KCNMA1: variants seen among roughly 807,000 people sequenced by gnomAD.
The protein encoded by KCNMA1 is Calcium-activated potassium channel subunit alpha-1.
A neutral mutation model predicts 140.0 loss-of-function variants in KCNMA1; 29 were observed. The observed-to-expected ratio is 0.21, with a 90% confidence interval of 0.15 to 0.28. The LOEUF (loss-of-function observed/expected upper bound fraction) is 0.28. KCNMA1 is among the 10% of genes least tolerant of loss of function. The pLI is 1.00. For missense variants in KCNMA1, 880 were observed against 1,602.2 expected (o/e 0.55, Z 7.70); for synonymous variants, 612 against 611.9 (o/e 1.00, Z 0.00).
intron 3 of KCNMA1, chr10:77,217,604 A>C (rs143642187): frequency 4.5e-6 from 2 of 444,408 alleles, no homozygotes; most frequent in Non-Finnish European, 9.2e-6. Flanking sequence ...CACAGACAGA[A>C]CAAAGTGGAA....
rs547292705 is a variant in KCNMA1, at chr10:77,052,141, G to T, written c.1750-12504C>A. On this transcript the variant is annotated intron_variant, in intron 14 of 27. Transcript: ENST00000286628. ...CATGGCTTCCTATTGCTTAGCTGCT[G>T]CTAGAAAAGGCTGGAACATCAGTGA... Among the ~76,000 whole-genome samples the T allele has an allele frequency of 4.1e-4, 62 of 152,298 alleles. No individual in the cohort carries two copies. The South Asian group carries it at 0.012, about 31-fold the overall frequency.
intron 3 of KCNMA1, among the ~76,000 whole-genome samples, chr10:77,201,291 C>G (rs952436796): frequency 1.3e-5 from 2 of 152,130 alleles, no homozygotes; most frequent in African/African-American, 4.8e-5. Context: ...TGTGACCATG[C>G]GGTCATATTT....
At chr10:76,930,008 T>C (rs890043091) in intron 23 of KCNMA1, 6 of 152,096 alleles carry the variant, frequency 3.9e-5, no homozygotes, top group Non-Finnish European at 7.4e-5. Context: ...GAATGTAAAA[T>C]CTGAAACCGT....
chr10:76,988,074 G>A (rs981575349), intron 19 of KCNMA1, among the ~76,000 whole-genome samples: 1 of 152,188 alleles, frequency 6.6e-6, no homozygotes, highest in Non-Finnish European at 1.5e-5. Context: ...TAATCTGGAG[G>A]CCAAATCAGA....
chr10:76,919,753 G>A (rs2054531447), intron 23 of KCNMA1, among the ~76,000 whole-genome samples: 1 of 151,738 alleles, frequency 6.6e-6, no homozygotes. Context: ...ACAATTGTAA[G>A]GATAAAATAA....
chr10:76,956,871 C>T (rs1260038990), intron 20 of KCNMA1, among the ~76,000 whole-genome samples: 1 of 151,992 alleles, frequency 6.6e-6, no homozygotes, highest in East Asian at 1.9e-4. Context: ...GCCTGTAATC[C>T]CAGCACTTTG....
chr10:77,190,989 T>C (rs1033891139), intron 3 of KCNMA1, among the ~76,000 whole-genome samples: 2 of 152,168 alleles, frequency 1.3e-5, no homozygotes, highest in Admixed American at 1.3e-4. Flanking sequence ...AGATGATTAA[T>C]AAGCTTTGCA....
At chr10:76,924,891 G>A (rs1462890988) in intron 23 of KCNMA1, among the ~76,000 whole-genome samples, 2 of 152,134 alleles carry the variant, frequency 1.3e-5, no homozygotes, top group African/African-American at 2.4e-5. Flanking sequence ...GGGAAGGGAG[G>A]AGCAGTCAGA....
chr10:77,047,097 G>C (rs1236275902), intron 14 of KCNMA1, among the ~76,000 whole-genome samples: 1 of 152,182 alleles, frequency 6.6e-6, no homozygotes, highest in Admixed American at 6.5e-5. Context: ...CTTTCAGAGA[G>C]CATTTTCCAG....
At position 77,399,668 on chromosome 10, in the gene KCNMA1, C is replaced by T. The variant is rs535721342; in HGVS notation, c.540+4194G>A. Among the ~76,000 whole-genome samples, 6 of 152,242 alleles carry T rather than the reference C, an allele frequency of 3.9e-5. No individual in the cohort carries two copies. The South Asian group carries it at 8.3e-4, about 21-fold the overall frequency. On this transcript the variant is annotated intron_variant, in intron 2 of 27. Transcript: ENST00000286628. ...ATCATGTGGATAATCAGGCTCCAGG[C>T]GTTGACTATAAAAAGCACTGGTGAA...
At chr10:77,421,967 C>A (rs1409556770) in intron 1 of KCNMA1, among the ~76,000 whole-genome samples, 1 of 152,238 alleles carries the variant, frequency 6.6e-6, no homozygotes, top group Non-Finnish European at 1.5e-5. Context: ...GGACACTTCT[C>A]TTTGCAGTGA....
At chr10:77,339,325 C>T (rs12416271) in intron 2 of KCNMA1, among the ~76,000 whole-genome samples, 5,047 of 152,190 alleles carry the variant, frequency 0.033, 109 homozygotes, top group Admixed American at 0.075. Context: ...CCTCCTCCAC[C>T]GCCTTCCCAG....
intron 19 of KCNMA1, among the ~76,000 whole-genome samples, chr10:76,989,123 C>CA (rs11456586): frequency 0.063 from 9,530 of 152,150 alleles, 315 homozygotes; most frequent in African/African-American, 0.08. Flanking sequence ...TAATAACCCC[C>CA]AAATCACTGG....
intron 1 of KCNMA1, chr10:77,587,842 C>T (rs185069275): frequency 9.2e-5 from 91 of 985,378 alleles, no homozygotes; most frequent in South Asian, 8.5e-4. Context: ...GATCATCTCA[C>T]GGCCCCAGTC....
chr10:77,341,554 A>G (rs1251836507), intron 2 of KCNMA1, among the ~76,000 whole-genome samples: 2 of 152,262 alleles, frequency 1.3e-5, no homozygotes, highest in South Asian at 4.1e-4. Flanking sequence ...AGCCCTTCCC[A>G]GGCTCTCAGT....
intron 2 of KCNMA1, among the ~76,000 whole-genome samples, chr10:77,263,863 A>T (rs182608720): frequency 5.9e-5 from 9 of 152,278 alleles, no homozygotes; most frequent in Admixed American, 3.9e-4. Context: ...TGATACTAGC[A>T]TGCCTCTTTG....
chr10:77,514,133 T>G (rs1010983024), intron 1 of KCNMA1, among the ~76,000 whole-genome samples: 4 of 152,206 alleles, frequency 2.6e-5, no homozygotes, highest in Non-Finnish European at 4.4e-5. Flanking sequence ...AGGCGAAATG[T>G]GGCCTCCCCT....
At chr10:77,086,234 C>G (rs1403687123) in intron 11 of KCNMA1, among the ~76,000 whole-genome samples, 1 of 152,098 alleles carries the variant, frequency 6.6e-6, no homozygotes, top group Non-Finnish European at 1.5e-5. Flanking sequence ...AGGAATCCAG[C>G]AAAGCAAGTT....
intron 11 of KCNMA1, 110 bp downstream of exon 11, chr10:77,086,378 A>G: frequency 2.5e-6 from 2 of 787,944 alleles, no homozygotes; most frequent in Non-Finnish European, 4.5e-6. Context: ...GGTGTTTAGG[A>G]GATGACTCGT....
Sources: allele counts gnomAD v4.1 joint callset (sites outside exome capture counted in the v4.1 genomes callset), GRCh38; gene constraint gnomAD v4.1.1; transcripts MANE v1.5; gene names NCBI Gene and HGNC (gene_info 2026-07-23, HGNC 2026-07-21).